OR8G1: variants seen among roughly 807,000 people sequenced by gnomAD.
OR8G1 encodes the protein olfactory receptor family 8 subfamily G member 1.
For synonymous variants in OR8G1, 129 were observed against 133.3 expected (o/e 0.97, Z 0.22); for missense variants, 372 against 356.2 (o/e 1.04, Z -0.36).
In OR8G1 at chr11:124,250,673, G is replaced by T; in HGVS notation, c.*62G>T. The T allele has an allele frequency of 7.0e-6, 3 of 429,252 alleles. No homozygotes were observed. Among genetic ancestry groups the T allele is most frequent in the South Asian group, 6.6e-5 (1 of 15,142 alleles). 26.6% of individuals were successfully genotyped at this position (429,252 alleles called of 1,614,324 possible). The stretch of plus-strand genomic sequence containing the variant: ...TAGTGGACTGTTACATTGTATGAAT[G>T]GATGTCTTTCACTTTAATGCATCTG... On this transcript the variant is annotated 3_prime_UTR_variant, in exon 3 of 3. Coordinates refer to ENST00000641972, the MANE Select transcript of OR8G1 (RefSeq NM_001002905.2).
rs1195476586 is a variant in OR8G1, at chr11:124,250,642, C to A, written c.*31C>A. On this transcript the variant is annotated 3_prime_UTR_variant, in exon 3 of 3. Transcript: ENST00000641972. Reference sequence around the variant, plus strand: ...AATAATAAGAAGATGATATATTAATCCTAAGTAGTGGACTGTTACATTGTA... The same window carrying A: ...AATAATAAGAAGATGATATATTAATACTAAGTAGTGGACTGTTACATTGTA... 1,242 of 326,496 alleles carry A rather than the reference C, an allele frequency of 3.8e-3. 385 individuals carry two copies. The East Asian group carries it at 0.057, about 15-fold the overall frequency. 20.2% of individuals were successfully genotyped at this position (326,496 alleles called of 1,614,324 possible).
chr11:124,247,947 C>T (rs1861828376), intron 2 of OR8G1, 67 bp downstream of exon 2: 1 of 151,888 alleles, frequency 6.6e-6, no homozygotes, highest in South Asian at 2.1e-4. Flanking sequence ...AAATTGCCAA[C>T]ATCTTTTCCA....
intron 1 of OR8G1, among the ~76,000 whole-genome samples, chr11:124,245,377 G>A (rs1245213190): frequency 6.0e-5 from 9 of 151,192 alleles, no homozygotes; most frequent in South Asian, 4.3e-4. Context: ...GTATTCCATG[G>A]TGTATATGTG....
chr11:124,244,535 T>G (rs1861793444), intron 1 of OR8G1, among the ~76,000 whole-genome samples: 1 of 151,924 alleles, frequency 6.6e-6, no homozygotes, highest in Non-Finnish European at 1.5e-5. Context: ...ATGAACTATG[T>G]CTATGGCACA....
chr11:124,250,531 A>G lies in OR8G1; in HGVS notation c.856A>G (p.Asn286Asp), dbSNP rs1174519427. The G allele has an allele frequency of 7.9e-7, 1 of 1,258,896 alleles. No individual in the cohort carries two copies. Among genetic ancestry groups the G allele is most frequent in the South Asian group, 1.9e-5 (1 of 52,996 alleles). 78.0% of individuals were successfully genotyped at this position (1,258,896 alleles called of 1,614,324 possible). ...VFYTIIVPMLNPLIYSLRNKD... is the reference protein window; with the variant it reads ...VFYTIIVPMLDPLIYSLRNKD... ...TTATACTATTATTGTGCCCATGTTG[A>G]ACCCTCTGATTTATAGCCTGAGGAA... The change falls in exon 3 of 3, where the codon AAC becomes GAC. Residue 286 changes from asparagine to aspartate, a missense_variant. Asn to Asp is a conservative substitution (Grantham distance 23). Transcript: ENST00000641972.
At chr11:124,247,157 A>G (rs1861819991) in intron 1 of OR8G1, among the ~76,000 whole-genome samples, 1 of 151,708 alleles carries the variant, frequency 6.6e-6, no homozygotes, top group African/African-American at 2.4e-5. Flanking sequence ...TGTAAAGAAT[A>G]TAATAAAGTT....
chr11:124,247,049 A>G (rs964439233), intron 1 of OR8G1, among the ~76,000 whole-genome samples: 1 of 151,710 alleles, frequency 6.6e-6, no homozygotes, highest in Non-Finnish European at 1.5e-5. Context: ...TTTATAACTT[A>G]TATGTACACA....
chr11:124,250,306 A>T lies in OR8G1; in HGVS notation c.631A>T (p.Ser211Cys). ...CVGAFNILVP[S>C]LTILCSYIFI... is the part of the protein sequence containing the mutation. The stretch of plus-strand genomic sequence containing the variant: ...TGGTGCATTTAACATCCTTGTCCCC[A>T]GCCTGACCATCCTTTGCTCTTACAT... Residue 211 changes from serine (S) to cysteine (C), a missense_variant, in exon 3 of 3, where the codon AGC (serine) becomes TGC (cysteine). Coordinates refer to ENST00000641972, the MANE Select transcript of OR8G1 (RefSeq NM_001002905.2). The T allele has an allele frequency of 1.2e-6, 2 of 1,613,796 alleles. No homozygotes were observed. The highest frequency in any genetic ancestry group is 1.7e-6 in the Non-Finnish European group (2 of 1,179,828).
chr11:124,249,741 G>A lies in OR8G1; in HGVS notation c.66G>A (p.Glu22=). 2 of 1,613,688 alleles carry A rather than the reference G, an allele frequency of 1.2e-6. No homozygotes were observed. The highest frequency in any genetic ancestry group is 8.5e-7 in the Non-Finnish European group (1 of 1,179,792). ...FILAGLSEQP[E]LQLPLFLLFL... ...TGGCTGGGCTCTCAGAACAGCCAGA[G>A]CTCCAGCTGCCCCTCTTCCTCCTGT... The change falls in exon 3 of 3, where the codon GAG becomes GAA. Residue 22 remains glutamate (E), a synonymous_variant. Coordinates refer to ENST00000641972, the MANE Select transcript of OR8G1 (RefSeq NM_001002905.2).
chr11:124,248,723 A>C (rs1461042261), intron 2 of OR8G1, among the ~76,000 whole-genome samples: 2 of 151,964 alleles, frequency 1.3e-5, no homozygotes, highest in African/African-American at 4.8e-5. Context: ...TTCCTAATTC[A>C]CAAAAGTTAA....
At chr11:124,246,752 A>G (rs2137747571) in intron 1 of OR8G1, among the ~76,000 whole-genome samples, 1 of 151,840 alleles carries the variant, frequency 6.6e-6, no homozygotes, top group Admixed American at 6.6e-5. Context: ...TATTTACAAA[A>G]ATTGACCATA....
chr11:124,250,319 T>C lies in OR8G1; in HGVS notation c.644T>C (p.Leu215Pro), dbSNP rs1213036087. Residue 215 changes from leucine to proline, a missense_variant, in exon 3 of 3, where the codon CTT (leucine) becomes CCT (proline). Coordinates refer to ENST00000641972, the MANE Select transcript of OR8G1 (RefSeq NM_001002905.2). Reference protein sequence around the residue: ...FNILVPSLTILCSYIFIIASI... With the variant: ...FNILVPSLTIPCSYIFIIASI... ...ATCCTTGTCCCCAGCCTGACCATCC[T>C]TTGCTCTTACATCTTTATTATTGCC... 1.2e-6 allele frequency: 2 copies of C among 1,613,824 alleles called. No homozygotes were observed. The highest frequency in any genetic ancestry group is 1.1e-5 in the South Asian group (1 of 91,080).
intron 1 of OR8G1, among the ~76,000 whole-genome samples, chr11:124,247,571 C>G (rs930085565): frequency 1.2e-4 from 18 of 151,748 alleles, no homozygotes; most frequent in African/African-American, 4.3e-4. Context: ...TGAATACTTC[C>G]AAACATTTAA....
At position 124,249,658 on chromosome 11, in the gene OR8G1, A is replaced by C. The variant is rs1269692716; in HGVS notation, c.-16-2A>C. On this transcript the variant is annotated splice_acceptor_variant, in intron 2 of 2. Coordinates refer to ENST00000641972, the MANE Select transcript of OR8G1 (RefSeq NM_001002905.2). LOFTEE classifies it low-confidence loss of function (5UTR_SPLICE). ...TTTGTTTTGTTTTTTCTCTTCCTGC[A>C]GAAACTGACTGGAGGAGATGTCAGG... 4 of 1,602,902 alleles carry C rather than the reference A, an allele frequency of 2.5e-6. No individual in the cohort carries two copies. Among genetic ancestry groups the C allele is most frequent in the Non-Finnish European group, 3.4e-6 (4 of 1,174,526 alleles).
At chr11:124,245,298 AATG>A (rs1163531373) in intron 1 of OR8G1, among the ~76,000 whole-genome samples, 2 of 146,446 alleles carry the variant, frequency 1.4e-5, no homozygotes, top group African/African-American at 5.2e-5. Flanking sequence ...GTTTACTAAG[AATG>A]ATGATTTCCA....
rs1412180740 is a variant in OR8G1 at position 124,252,986 on chromosome 11, AC to A, written c.*2377del. 1 of 152,160 alleles carries A rather than the reference AC, an allele frequency of 6.6e-6. No individual in the cohort carries two copies. The highest frequency in any genetic ancestry group is 1.5e-5 in the Non-Finnish European group (1 of 68,012). 9.4% of individuals were successfully genotyped at this position (152,160 alleles called of 1,614,324 possible). A position where few individuals can be genotyped will look rare whatever the true frequency, so the allele number is the denominator to read the frequency against. ...GAGGAAGTGCTGGTAAAATTGAACCACCATTGCTCATACCAGCTTTTCAATA... is the reference window on the plus strand; with the variant it reads ...GAGGAAGTGCTGGTAAAATTGAACCACATTGCTCATACCAGCTTTTCAATA... On this transcript the variant is annotated 3_prime_UTR_variant, in exon 3 of 3. Transcript: ENST00000641972.
chr11:124,249,535 A>G, intron 2 of OR8G1, 125 bp from the exon 3 acceptor site: 1 of 772,338 alleles, frequency 1.3e-6, no homozygotes, highest in Non-Finnish European at 1.9e-6. Context: ...TATTTGAGGT[A>G]AACTTTACTT....
chr11:124,249,542 A>G, intron 2 of OR8G1, 118 bp from the exon 3 acceptor site: 1 of 832,084 alleles, frequency 1.2e-6, no homozygotes, highest in Non-Finnish European at 1.8e-6. Context: ...GGTAAACTTT[A>G]CTTACTCAAA....
At position 124,249,948 on chromosome 11, in the gene OR8G1, C is replaced by A; in HGVS notation, c.273C>A (p.Ile91=). Residue 91 remains isoleucine, a synonymous_variant, in exon 3 of 3, where the codon ATC becomes ATA. Transcript: ENST00000641972. The part of the protein sequence containing the change: ...MLVNFVTEKN[I]ISYPECMTQL... Reference sequence around the variant, plus strand: ...TGAACTTTGTGACAGAGAAGAACATCATCTCCTACCCTGAATGCATGACTC... The same window carrying A: ...TGAACTTTGTGACAGAGAAGAACATAATCTCCTACCCTGAATGCATGACTC... 1 of 1,614,010 alleles carries A rather than the reference C, an allele frequency of 6.2e-7. No homozygotes were observed. Among genetic ancestry groups the A allele is most frequent in the South Asian group, 1.1e-5 (1 of 91,076 alleles).
Sources: gnomAD v4.1 joint callset for allele counts (sites outside exome capture counted in the v4.1 genomes callset) on GRCh38, gnomAD v4.1.1 for gene constraint, MANE v1.5 for transcripts, NCBI Gene and HGNC (gene_info 2026-07-23, HGNC 2026-07-21) for gene names.